The following SUGCT variants were observed in gnomAD, a reference collection of about 807,000 sequenced individuals.
SUGCT encodes the protein succinyl-CoA:glutarate-CoA transferase, also known as succinyl-CoA:glutarate CoA-transferase.
A neutral mutation model predicts 55.0 loss-of-function variants in SUGCT; 41 were observed. That is an observed-to-expected ratio of 0.74 (90% CI 0.58 to 0.97). SUGCT has a LOEUF of 0.97. Ranked by LOEUF, SUGCT falls within the 50% of genes least tolerant of loss-of-function variation. The pLI, the probability that SUGCT is intolerant of heterozygous loss-of-function variation, is 0.00. For missense variants in SUGCT, 568 were observed against 547.8 expected (o/e 1.04, Z -0.37); for synonymous variants, 187 against 200.4 (o/e 0.93, Z 0.56).
chr7:41,013,212 T>C, the SUGCT span, among the ~76,000 whole-genome samples: 1 of 152,234 alleles, frequency 6.6e-6, no homozygotes, highest in Non-Finnish European at 1.5e-5. Context: ...TCTGTTCCTT[T>C]GGCTGACCAG....
chr7:40,933,520 A>G, the SUGCT span, among the ~76,000 whole-genome samples: 1 of 152,148 alleles, frequency 6.6e-6, no homozygotes, highest in Admixed American at 6.6e-5. Context: ...TAATATCCTG[A>G]AGAGTGTTTT....
At chr7:40,499,092 C>G (rs753142229) in intron 12 of SUGCT, 9 of 456,726 alleles carry the variant, frequency 2.0e-5, no homozygotes, top group Non-Finnish European at 3.5e-5. Context: ...CACTTCTGTT[C>G]AGATGTGGGA....
At chr7:40,695,126 T>C (rs1294659153) in intron 12 of SUGCT, among the ~76,000 whole-genome samples, 1 of 152,088 alleles carries the variant, frequency 6.6e-6, no homozygotes, top group African/African-American at 2.4e-5. Flanking sequence ...TTCACCATTT[T>C]AATCATTTAT....
the SUGCT span, among the ~76,000 whole-genome samples, chr7:40,950,602 A>G: frequency 3.0e-4 from 45 of 152,114 alleles, no homozygotes; most frequent in Admixed American, 2.9e-3. Flanking sequence ...TTTGTCATAA[A>G]TAGCTCTTAT....
intron 12 of SUGCT, among the ~76,000 whole-genome samples, chr7:40,656,495 A>G (rs1801023921): frequency 6.6e-6 from 1 of 152,180 alleles, no homozygotes; most frequent in African/African-American, 2.4e-5. Context: ...AAGTGTAATT[A>G]AACCAACTGT....
the SUGCT span, among the ~76,000 whole-genome samples, chr7:41,003,415 A>T: frequency 2.0e-5 from 3 of 152,234 alleles, no homozygotes. Flanking sequence ...AGCAAATAAA[A>T]CAAAGAGCAT....
At chr7:40,730,706 G>A (rs1786849012) in intron 12 of SUGCT, among the ~76,000 whole-genome samples, 1 of 151,792 alleles carries the variant, frequency 6.6e-6, no homozygotes, top group South Asian at 2.1e-4. Flanking sequence ...CTCTCCCTTG[G>A]GTCCTGGCAA....
At chr7:40,835,305 C>A (rs1410591842) in intron 13 of SUGCT, among the ~76,000 whole-genome samples, 1 of 152,172 alleles carries the variant, frequency 6.6e-6, no homozygotes, top group African/African-American at 2.4e-5. Context: ...AGCATAAGAA[C>A]AACAGAATTA....
the SUGCT span, among the ~76,000 whole-genome samples, chr7:40,991,078 G>A: frequency 3.9e-5 from 6 of 152,154 alleles, no homozygotes; most frequent in African/African-American, 1.4e-4. Flanking sequence ...AGCTTTTGAC[G>A]TGTCTTCCTC....
chr7:40,983,781 G>A, the SUGCT span, among the ~76,000 whole-genome samples: 2 of 152,234 alleles, frequency 1.3e-5, no homozygotes, highest in Admixed American at 1.3e-4. Flanking sequence ...GTAGCACAAA[G>A]CATGTTAGCA....
rs542789327 is a variant in SUGCT at position 40,761,911 on chromosome 7, G to A, written c.1153+12414G>A. ...CAAGGGTCCAATGTTCCCGGGGAGC[G>A]TCAAAGTGGGTTCTTTCTGCTATGA... On this transcript the variant is annotated intron_variant, in intron 13 of 13. Coordinates refer to ENST00000335693, the MANE Select transcript of SUGCT (RefSeq NM_001193313.2). Among the ~76,000 whole-genome samples the A allele has an allele frequency of 8.5e-5, 13 of 152,276 alleles. No homozygotes were observed. The South Asian group carries it at 2.3e-3, about 27-fold the overall frequency.
At chr7:40,773,214 C>T (rs1346315706) in intron 13 of SUGCT, among the ~76,000 whole-genome samples, 8 of 150,892 alleles carry the variant, frequency 5.3e-5, no homozygotes, top group Admixed American at 5.3e-4. Context: ...CTGCAACTTC[C>T]ACCTCCTGGG....
chr7:40,603,270 G>A (rs1798373963), intron 12 of SUGCT, among the ~76,000 whole-genome samples: 1 of 152,174 alleles, frequency 6.6e-6, no homozygotes, highest in Non-Finnish European at 1.5e-5. Context: ...TAGATACATA[G>A]GAATATGTAT....
In SUGCT at chr7:40,622,442, G is replaced by A. The variant is rs118054845; in HGVS notation, c.1089+126056G>A. Among the ~76,000 whole-genome samples the A allele has an allele frequency of 6.2e-4, 94 of 151,636 alleles. 1 individual carries two copies. In the East Asian group the frequency reaches 0.018, roughly 28 times the overall value. ...AACAGTTACAAACCCAAGGCTGCTCGGTCAGCAATATGAAGACCATCCAAA... is the reference window on the plus strand; with the variant it reads ...AACAGTTACAAACCCAAGGCTGCTCAGTCAGCAATATGAAGACCATCCAAA... On this transcript the variant is annotated intron_variant, in intron 12 of 13. Coordinates refer to ENST00000335693, the MANE Select transcript of SUGCT (RefSeq NM_001193313.2).
intron 7 of SUGCT, among the ~76,000 whole-genome samples, chr7:40,255,583 C>T (rs1790754348): frequency 6.8e-6 from 1 of 146,424 alleles, no homozygotes; most frequent in Admixed American, 7.1e-5. Context: ...ATTGCTTGAA[C>T]CCGGGAGAGG....
intron 12 of SUGCT, among the ~76,000 whole-genome samples, chr7:40,500,323 C>A (rs1174174369): frequency 6.6e-6 from 1 of 152,072 alleles, no homozygotes; most frequent in African/African-American, 2.4e-5. Context: ...TAAGACATCA[C>A]CCTGAAGCAT....
At chr7:40,754,558 A>C (rs1339832028) in intron 13 of SUGCT, among the ~76,000 whole-genome samples, 2 of 152,200 alleles carry the variant, frequency 1.3e-5, no homozygotes, top group African/African-American at 4.8e-5. Flanking sequence ...GGAAACAGGC[A>C]TGAACAATGA....
chr7:40,571,434 A>G (rs951354667), intron 12 of SUGCT, among the ~76,000 whole-genome samples: 1 of 152,206 alleles, frequency 6.6e-6, no homozygotes, highest in Non-Finnish European at 1.5e-5. Context: ...TTCCATGTCT[A>G]ATCATTTCTA....
At chr7:40,261,873 GTAAC>G (rs1273057404) in intron 7 of SUGCT, among the ~76,000 whole-genome samples, 12 of 152,328 alleles carry the variant, frequency 7.9e-5, no homozygotes, top group Middle Eastern at 3.4e-3. Flanking sequence ...CACAGAAACT[GTAAC>G]TAAGAAACTT....
Sources: allele counts gnomAD v4.1 joint callset (sites outside exome capture counted in the v4.1 genomes callset), GRCh38; gene constraint gnomAD v4.1.1; transcripts MANE v1.5; gene names NCBI Gene and HGNC (gene_info 2026-07-23, HGNC 2026-07-21).